CAST: variants seen among roughly 807,000 people sequenced by gnomAD.
CAST encodes the protein calpastatin, also known as MIR583 host.
A neutral mutation model predicts 119.6 loss-of-function variants in CAST; 76 were observed. The observed-to-expected ratio is 0.64, with a 90% confidence interval of 0.53 to 0.77. CAST has a LOEUF of 0.77. CAST is among the 30% of genes least tolerant of loss of function. CAST has a pLI of 0.00. For synonymous variants in CAST, 319 were observed against 331.6 expected (o/e 0.96, Z 0.41); for missense variants, 953 against 946.5 (o/e 1.01, Z -0.09).
intron 1 of CAST, among the ~76,000 whole-genome samples, chr5:96,621,944 G>A (rs1440379101): frequency 1.3e-5 from 2 of 150,466 alleles, no homozygotes; most frequent in Non-Finnish European, 1.5e-5. Flanking sequence ...GTTAGAGTTA[G>A]CATTCTTTTT....
the CAST span, among the ~76,000 whole-genome samples, chr5:96,353,372 T>G: frequency 6.6e-6 from 1 of 152,222 alleles, no homozygotes; most frequent in East Asian, 1.9e-4. Context: ...TTATATGACC[T>G]AACTGCACTC....
the CAST span, among the ~76,000 whole-genome samples, chr5:96,172,890 T>C: frequency 1.3e-5 from 2 of 152,214 alleles, no homozygotes; most frequent in Non-Finnish European, 2.9e-5. Context: ...ACAGATACCA[T>C]AACTTCCACT....
intron 1 of CAST, among the ~76,000 whole-genome samples, chr5:96,580,361 A>T (rs1365647815): frequency 3.3e-5 from 5 of 152,264 alleles, no homozygotes; most frequent in Non-Finnish European, 7.3e-5. Flanking sequence ...AATGTTCATG[A>T]TTAACTAAAG....
At chr5:96,323,531 A>G in the CAST span, among the ~76,000 whole-genome samples, 3 of 152,172 alleles carry the variant, frequency 2.0e-5, no homozygotes, top group Non-Finnish European at 2.9e-5. Flanking sequence ...TTTCATTGCT[A>G]TTTTCAGGTG....
the CAST span, among the ~76,000 whole-genome samples, chr5:96,207,396 C>T: frequency 3.9e-5 from 6 of 152,044 alleles, no homozygotes. Context: ...AAGGGGAATA[C>T]TTCCAGCTTT....
At chr5:96,524,307 C>A (rs1580810023), upstream of CAST, among the ~76,000 whole-genome samples, 1 of 152,164 alleles carries the variant, frequency 6.6e-6, no homozygotes, top group East Asian at 1.9e-4. Context: ...AAACTGGTTT[C>A]TGATTTGTTT....
At chr5:96,208,209 C>CT in the CAST span, among the ~76,000 whole-genome samples, 16 of 149,438 alleles carry the variant, frequency 1.1e-4, no homozygotes, top group South Asian at 2.1e-4. Flanking sequence ...GATCTTCTCC[C>CT]TTTTTTTTTC....
At chr5:96,131,077 A>C in the CAST span, among the ~76,000 whole-genome samples, 1 of 152,124 alleles carries the variant, frequency 6.6e-6, no homozygotes, top group Non-Finnish European at 1.5e-5. Flanking sequence ...GCATTGTTAC[A>C]TTGTAATGTT....
At chr5:96,135,989 A>G in the CAST span, among the ~76,000 whole-genome samples, 1 of 149,514 alleles carries the variant, frequency 6.7e-6, no homozygotes, top group African/African-American at 2.5e-5. Flanking sequence ...TGAACCTGGG[A>G]GGCGGAGGTT....
At chr5:96,425,182 A>C in the CAST span, among the ~76,000 whole-genome samples, 1 of 152,238 alleles carries the variant, frequency 6.6e-6, no homozygotes. Flanking sequence ...TAAAATTCTC[A>C]ACAACAAATC....
intron 2 of CAST, among the ~76,000 whole-genome samples, chr5:96,680,884 TG>T (rs1472908322): frequency 6.6e-6 from 1 of 152,226 alleles, no homozygotes; most frequent in Admixed American, 6.5e-5. Context: ...ATACTAGTTG[TG>T]GGGAGTCGAT....
At chr5:96,619,897 T>G (rs564852270) in intron 1 of CAST, among the ~76,000 whole-genome samples, 1 of 152,342 alleles carries the variant, frequency 6.6e-6, no homozygotes, top group South Asian at 2.1e-4. Flanking sequence ...TGACTTGAAT[T>G]GGGTTCTGTA....
the CAST span, among the ~76,000 whole-genome samples, chr5:95,980,786 A>G: frequency 6.6e-6 from 1 of 152,104 alleles, no homozygotes; most frequent in African/African-American, 2.4e-5. Context: ...CATGTCAGGC[A>G]TCTCCCTTTC....
intron 1 of CAST, among the ~76,000 whole-genome samples, chr5:96,619,262 G>A (rs1747538265): frequency 6.7e-6 from 1 of 149,142 alleles, no homozygotes; most frequent in Non-Finnish European, 1.5e-5. Context: ...TGGGGATTTG[G>A]AGAACTTTTA....
chr5:96,220,772 G>T, the CAST span, among the ~76,000 whole-genome samples: 1 of 152,190 alleles, frequency 6.6e-6, no homozygotes, highest in Non-Finnish European at 1.5e-5. Flanking sequence ...GCTATTTAGT[G>T]AGACTACCTG....
the CAST span, among the ~76,000 whole-genome samples, chr5:96,231,019 A>C: frequency 6.6e-6 from 1 of 152,122 alleles, no homozygotes; most frequent in African/African-American, 2.4e-5. Flanking sequence ...TTGGAACCTC[A>C]TACTTTCCCG....
intron 1 of CAST, among the ~76,000 whole-genome samples, chr5:96,637,312 C>T (rs1214469131): frequency 6.6e-6 from 1 of 152,168 alleles, no homozygotes; most frequent in Admixed American, 6.5e-5. Flanking sequence ...GGCCAGGTAG[C>T]TTGCTCAAGC....
At chr5:95,989,769 T>C in the CAST span, among the ~76,000 whole-genome samples, 1 of 152,156 alleles carries the variant, frequency 6.6e-6, no homozygotes, top group Admixed American at 6.5e-5. Context: ...CAATGTATGA[T>C]TTAGTAGATA....
the CAST span, among the ~76,000 whole-genome samples, chr5:96,173,512 T>C: frequency 1.3e-5 from 2 of 152,214 alleles, no homozygotes; most frequent in Non-Finnish European, 2.9e-5. Context: ...CCAATTGGAA[T>C]ACCCTCATGT....
Sources: allele counts gnomAD v4.1 joint callset (sites outside exome capture counted in the v4.1 genomes callset), GRCh38; gene constraint gnomAD v4.1.1; transcripts MANE v1.5; gene names NCBI Gene and HGNC (gene_info 2026-07-23, HGNC 2026-07-21).